Variants in RORA observed in about 807,000 individuals in gnomAD.
RORA encodes nuclear receptor ROR-alpha.
A neutral mutation model predicts 69.5 loss-of-function variants in RORA; 7 were observed. The observed-to-expected ratio is 0.10, with a 90% CI of 0.06 to 0.19. RORA has a LOEUF of 0.19. Ranked by LOEUF, RORA falls within the 10% of genes least tolerant of loss-of-function variation. The probability of loss-of-function intolerance (pLI) is 1.00; values close to 1 mark genes in which losing one functional copy is unlikely to be tolerated. For missense variants in RORA, 457 were observed against 663.0 expected (o/e 0.69, Z 3.41); for synonymous variants, 261 against 240.8 (o/e 1.08, Z -0.78).
chr15:60,590,400 T>A (rs2289162), intron 2 of RORA, among the ~76,000 whole-genome samples: 7,849 of 152,296 alleles, frequency 0.052, 275 homozygotes, highest in East Asian at 0.14. Flanking sequence ...AGCAAAAGCC[T>A]ATGTACTAGG....
intron 1 of RORA, chr15:60,841,014 C>G (rs958400125): frequency 1.2e-6 from 1 of 844,360 alleles, no homozygotes; most frequent in Non-Finnish European, 1.4e-6. Flanking sequence ...ACAACGATAC[C>G]TTACGGAAGC....
At position 60,872,735 on chromosome 15, in the gene RORA, A is replaced by T. The variant is rs575466182; in HGVS notation, c.167-194049T>A. Among the ~76,000 whole-genome samples the T allele has an allele frequency of 3.3e-5, 5 of 152,208 alleles. No individual in the cohort carries two copies. The East Asian group carries it at 9.7e-4, about 29-fold the overall frequency. ...GCAGTACATCTGGTCTTTCTTGCAC[A>T]ATTCCCCAGCAACAACAATATCAAA... On this transcript the variant is annotated intron_variant, in intron 1 of 10. Coordinates refer to ENST00000335670, the MANE Select transcript of RORA (RefSeq NM_134261.3).
intron 1 of RORA, among the ~76,000 whole-genome samples, chr15:61,168,135 T>TATATACACATATATACATAC (rs2079553871): frequency 6.7e-6 from 1 of 150,130 alleles, no homozygotes; most frequent in Non-Finnish European, 1.5e-5. Flanking sequence ...AAAACATACA[T>TATATACACATATATACATAC]ATATACACAT....
chr15:60,555,737 C>A (rs1385799697), intron 2 of RORA, among the ~76,000 whole-genome samples: 1 of 151,960 alleles, frequency 6.6e-6, no homozygotes, highest in African/African-American at 2.4e-5. Context: ...GGAAAAAAAA[C>A]TGCTTGAATT....
At chr15:60,838,843 AACACACACACACACAC>A (rs58762022) in intron 1 of RORA, among the ~76,000 whole-genome samples, 1,679 of 122,096 alleles carry the variant, frequency 0.014, 38 homozygotes, top group African/African-American at 0.05. Flanking sequence ...ACATTCATTC[AACACACACACACACAC>A]ACACACACAC....
At chr15:60,843,731 A>G (rs573165986) in intron 1 of RORA, among the ~76,000 whole-genome samples, 16 of 152,220 alleles carry the variant, frequency 1.1e-4, no homozygotes, top group Non-Finnish European at 2.2e-4. Flanking sequence ...CCAGGGACAG[A>G]ACGGCTGGCA....
At chr15:60,525,500 A>C (rs1331670420) in intron 3 of RORA, among the ~76,000 whole-genome samples, 2 of 152,202 alleles carry the variant, frequency 1.3e-5, no homozygotes. Flanking sequence ...GTATACACAT[A>C]TGTCTTAATT....
chr15:60,756,782 C>T (rs1206095848), intron 1 of RORA, among the ~76,000 whole-genome samples: 1 of 152,156 alleles, frequency 6.6e-6, no homozygotes, highest in Non-Finnish European at 1.5e-5. Flanking sequence ...CTATGAGACA[C>T]AGTTAAATTT....
At chr15:61,041,922 C>T (rs1896792238) in intron 1 of RORA, among the ~76,000 whole-genome samples, 1 of 152,060 alleles carries the variant, frequency 6.6e-6, no homozygotes, top group Non-Finnish European at 1.5e-5. Flanking sequence ...ACCTCTATGC[C>T]CTTTTCAGAG....
chr15:60,919,422 G>A lies in RORA; in HGVS notation c.167-240736C>T, dbSNP rs78544147. 7.5e-3 allele frequency among the ~76,000 whole-genome samples: 1,145 copies of A among 152,316 alleles called. 9 individuals are homozygous for A. The highest frequency in any genetic ancestry group is 0.026 in the African/African-American group (1,079 of 41,564). ...CCTGGAGCCCACACAGGCCACCTCC[G>A]AGTGATTTTCCATAATGCAATTCCT... is the stretch of plus-strand genomic sequence containing the variant. On this transcript the variant is annotated intron_variant, in intron 1 of 10. Transcript: ENST00000335670.
intron 1 of RORA, among the ~76,000 whole-genome samples, chr15:60,950,839 G>A (rs1367221151): frequency 1.5e-5 from 2 of 130,436 alleles, no homozygotes; most frequent in East Asian, 4.5e-4. Context: ...CATTAATAAT[G>A]GGAGACTTTA....
chr15:60,741,642 C>G (rs2071576777), intron 1 of RORA, among the ~76,000 whole-genome samples: 1 of 152,134 alleles, frequency 6.6e-6, no homozygotes, highest in Non-Finnish European at 1.5e-5. Context: ...CCCATAATTC[C>G]TCATAGCAGA....
At chr15:60,640,656 T>G (rs1262956024) in intron 2 of RORA, among the ~76,000 whole-genome samples, 1 of 152,146 alleles carries the variant, frequency 6.6e-6, no homozygotes, top group African/African-American at 2.4e-5. Context: ...CTGGCCCTTT[T>G]CAGTTTCCAG....
At chr15:60,883,130 C>CAAAA (rs60074751) in intron 1 of RORA, among the ~76,000 whole-genome samples, 1,478 of 43,088 alleles carry the variant, frequency 0.034, 82 homozygotes, top group African/African-American at 0.066. Flanking sequence ...GACATCGTCT[C>CAAAA]AAAAAAAAAA....
intron 2 of RORA, among the ~76,000 whole-genome samples, chr15:60,663,993 C>T (rs1397615735): frequency 6.6e-6 from 1 of 152,022 alleles, no homozygotes; most frequent in East Asian, 1.9e-4. Flanking sequence ...AGAATGAGTC[C>T]CATATTGGTC....
intron 1 of RORA, among the ~76,000 whole-genome samples, chr15:61,090,271 G>T (rs1466244312): frequency 1.3e-5 from 2 of 152,138 alleles, no homozygotes; most frequent in African/African-American, 4.8e-5. Context: ...TTTACTAAGA[G>T]ATCTGAATCA....
intron 2 of RORA, among the ~76,000 whole-genome samples, chr15:60,543,542 G>A (rs1321682534): frequency 1.3e-5 from 2 of 151,992 alleles, no homozygotes; most frequent in Non-Finnish European, 2.9e-5. Context: ...GCAGTGGTGC[G>A]ATCACAGCTC....
intron 1 of RORA, among the ~76,000 whole-genome samples, chr15:61,120,626 G>A (rs1031584040): frequency 4.7e-5 from 7 of 150,478 alleles, no homozygotes; most frequent in Admixed American, 2.0e-4. Flanking sequence ...GCGTTAACCC[G>A]GGAGGCGGAG....
At chr15:60,997,427 T>G (rs1352096634) in intron 1 of RORA, among the ~76,000 whole-genome samples, 1 of 152,186 alleles carries the variant, frequency 6.6e-6, no homozygotes, top group Non-Finnish European at 1.5e-5. Context: ...AGTTTTGCAT[T>G]AGTTTTATTT....
Sources: gnomAD v4.1 joint callset for allele counts (sites outside exome capture counted in the v4.1 genomes callset) on GRCh38, gnomAD v4.1.1 for gene constraint, MANE v1.5 for transcripts, NCBI Gene and HGNC (gene_info 2026-07-23, HGNC 2026-07-21) for gene names.